The following POU6F2 variants were observed in gnomAD, a reference collection of about 807,000 sequenced individuals.
The protein encoded by POU6F2 is POU domain, class 6, transcription factor 2.
In POU6F2, 31 loss-of-function variants were observed where a neutral mutation model predicts 71.3. The ratio of observed to expected loss-of-function variants is 0.43; its 90% CI spans 0.33 to 0.59. The LOEUF (loss-of-function observed/expected upper bound fraction) is 0.59, where lower values mean the gene tolerates loss of function less well. Ranked by LOEUF, POU6F2 falls within the 20% of genes least tolerant of loss-of-function variation. POU6F2 has a pLI of 0.04. For synonymous variants in POU6F2, 347 were observed against 355.7 expected, an observed-to-expected ratio of 0.98 and a Z score of 0.27; for missense variants, 783 against 856.8, an observed-to-expected ratio of 0.91 and a Z score of 1.07.
chr7:39,191,921 T>G (rs1278538684), intron 2 of POU6F2, among the ~76,000 whole-genome samples: 2 of 152,208 alleles, frequency 1.3e-5, no homozygotes. Flanking sequence ...AACCAACTCT[T>G]GGGAAGGAAA....
chr7:39,287,706 A>G (rs1784675711), intron 4 of POU6F2, among the ~76,000 whole-genome samples: 1 of 152,196 alleles, frequency 6.6e-6, no homozygotes, highest in Non-Finnish European at 1.5e-5. Context: ...GTCCAGGGTC[A>G]TTCTTTGGTT....
chr7:38,979,050 A>T (rs1788248855), intron 1 of POU6F2, among the ~76,000 whole-genome samples: 1 of 152,082 alleles, frequency 6.6e-6, no homozygotes. Flanking sequence ...TCTGACTATG[A>T]TGGGGGTGGG....
chr7:38,978,595 G>GTAT (rs1437209167), intron 1 of POU6F2, among the ~76,000 whole-genome samples: 1 of 152,166 alleles, frequency 6.6e-6, no homozygotes, highest in African/African-American at 2.4e-5. Context: ...TGTAGTAGTA[G>GTAT]TCTTGGCTGC....
intron 5 of POU6F2, among the ~76,000 whole-genome samples, chr7:39,366,486 G>A (rs1786503793): frequency 6.6e-6 from 1 of 152,146 alleles, no homozygotes; most frequent in African/African-American, 2.4e-5. Context: ...GTAACAAAGG[G>A]TAGCAAGTGG....
chr7:39,361,803 T>C (rs937872426), intron 5 of POU6F2, among the ~76,000 whole-genome samples: 2 of 152,228 alleles, frequency 1.3e-5, no homozygotes, highest in African/African-American at 4.8e-5. Flanking sequence ...CACAATGAAA[T>C]TGCAAGTTCT....
chr7:39,047,141 T>A (rs1158798490), intron 1 of POU6F2, among the ~76,000 whole-genome samples: 2 of 151,970 alleles, frequency 1.3e-5, no homozygotes, highest in African/African-American at 4.8e-5. Context: ...TTAGTGCAAG[T>A]CTTCCAACTT....
In POU6F2 at chr7:39,389,528, G is replaced by A. The variant is rs564175585; in HGVS notation, c.973-17072G>A. Among the ~76,000 whole-genome samples, 64 of 152,262 alleles carry A rather than the reference G, an allele frequency of 4.2e-4. 1 individual carries two copies. In the South Asian group the frequency reaches 0.01, roughly 24 times the overall value. On this transcript the variant is annotated intron_variant, in intron 5 of 9. Transcript: ENST00000518318. Reference sequence around the variant, plus strand: ...TGTGAAGGATAGCAATTGATCTGTAGGTGCAAATCAATCTCTCCACCAATA... The same window carrying A: ...TGTGAAGGATAGCAATTGATCTGTAAGTGCAAATCAATCTCTCCACCAATA...
chr7:39,288,726 T>A (rs1784694943), intron 4 of POU6F2, among the ~76,000 whole-genome samples: 1 of 152,118 alleles, frequency 6.6e-6, no homozygotes, highest in Non-Finnish European at 1.5e-5. Context: ...CACCACTAGG[T>A]ACTTCATTGA....
chr7:39,002,779 A>G (rs1788949992), intron 1 of POU6F2, among the ~76,000 whole-genome samples: 1 of 152,134 alleles, frequency 6.6e-6, no homozygotes, highest in African/African-American at 2.4e-5. Context: ...CCCTCCGGGG[A>G]ATTTTTGAAT....
intron 5 of POU6F2, among the ~76,000 whole-genome samples, chr7:39,379,506 A>G (rs1179585754): frequency 2.6e-5 from 4 of 151,952 alleles, no homozygotes; most frequent in Non-Finnish European, 4.4e-5. Flanking sequence ...TCAAGCTCCA[A>G]TCCTCCTAAC....
At chr7:39,091,936 A>G (rs528999188) in intron 2 of POU6F2, among the ~76,000 whole-genome samples, 1 of 152,318 alleles carries the variant, frequency 6.6e-6, no homozygotes. Flanking sequence ...TTGGGGATTA[A>G]TAATACATCA....
At position 39,085,937 on chromosome 7, in the gene POU6F2, G is replaced by T; in HGVS notation, c.183G>T (p.Glu61Asp). ...AAATGAATGCGGAGTTGAGAGGTGA[G>T]GACAAGGCTGCTACTTCAGACAGCG... ...RSEMNAELRG[E>D]DKAATSDSEL... Residue 61 changes from glutamate (E) to aspartate (D), a missense_variant, in exon 2 of 10, where the codon GAG becomes GAT. Glu to Asp is a conservative substitution (Grantham distance 45). Around this residue, in one of 2 missense-constraint regions of POU6F2, gnomAD observed 572 missense variants for 572.9 expected, o/e 1.00. Transcript: ENST00000518318. 2 of 1,613,718 alleles carry T rather than the reference G, an allele frequency of 1.2e-6. No homozygotes were observed. Among genetic ancestry groups the T allele is most frequent in the Non-Finnish European group, 1.7e-6 (2 of 1,179,808 alleles).
At chr7:39,437,413 A>T (rs1279766075) in intron 7 of POU6F2, among the ~76,000 whole-genome samples, 1 of 151,920 alleles carries the variant, frequency 6.6e-6, no homozygotes, top group African/African-American at 2.4e-5. Flanking sequence ...TTGTGTAGAG[A>T]TGTTTATAGT....
intron 6 of POU6F2, among the ~76,000 whole-genome samples, chr7:39,422,469 TC>T (rs973981154): frequency 7.2e-5 from 11 of 152,324 alleles, no homozygotes; most frequent in African/African-American, 2.6e-4. Flanking sequence ...GGTGGAAATG[TC>T]CACTCACTTT....
chr7:39,304,147 C>T (rs1042440638), intron 4 of POU6F2, among the ~76,000 whole-genome samples: 5 of 151,910 alleles, frequency 3.3e-5, no homozygotes, highest in Non-Finnish European at 7.4e-5. Flanking sequence ...ATATTAAAAG[C>T]CCACCGAAAT....
At chr7:39,078,163 G>A (rs914986967) in intron 1 of POU6F2, among the ~76,000 whole-genome samples, 5 of 152,116 alleles carry the variant, frequency 3.3e-5, no homozygotes, top group African/African-American at 4.8e-5. Context: ...TATTAAACAC[G>A]CTTTTATTGC....
In POU6F2 at chr7:39,220,516, T is replaced by A. The variant is rs75899919; in HGVS notation, c.598+12896T>A. ...TTATGCAACCGAAAACCCGAGCACCTGGTAAGAATAAGATCTGAGATGTTT... is the reference window on the plus strand; with the variant it reads ...TTATGCAACCGAAAACCCGAGCACCAGGTAAGAATAAGATCTGAGATGTTT... On this transcript the variant is annotated intron_variant, in intron 4 of 9. Coordinates refer to ENST00000518318, the MANE Select transcript of POU6F2 (RefSeq NM_001370959.1). Among the ~76,000 whole-genome samples the A allele has an allele frequency of 2.5e-3, 382 of 152,216 alleles. 2 individuals are homozygous for A. Among genetic ancestry groups the A allele is most frequent in the African/African-American group, 8.7e-3 (360 of 41,518 alleles).
intron 1 of POU6F2, among the ~76,000 whole-genome samples, chr7:39,008,606 G>A (rs1047490865): frequency 1.3e-5 from 2 of 151,560 alleles, no homozygotes; most frequent in East Asian, 1.9e-4. Flanking sequence ...CCATGCCTAT[G>A]TCCTGAATGG....
At chr7:39,028,245 T>C (rs531524612) in intron 1 of POU6F2, among the ~76,000 whole-genome samples, 1 of 152,274 alleles carries the variant, frequency 6.6e-6, no homozygotes, top group East Asian at 1.9e-4. Context: ...TCTAAAAATA[T>C]TCTCCCTACT....
Sources: gnomAD v4.1 joint callset for allele counts (sites outside exome capture counted in the v4.1 genomes callset) on GRCh38, gnomAD v4.1.1 for gene constraint, gnomAD v4.1.1 regional missense constraint, MANE v1.5 for transcripts, NCBI Gene and HGNC (gene_info 2026-07-23, HGNC 2026-07-21) for gene names.